GAB4: variants seen among roughly 807,000 people sequenced by gnomAD.
GAB4 encodes GRB2 associated binding protein family member 4.
A neutral mutation model predicts 51.3 loss-of-function variants in GAB4; 26 were observed. That is an observed-to-expected ratio of 0.51 (90% CI 0.37 to 0.70). The LOEUF (loss-of-function observed/expected upper bound fraction) is 0.70. Ranked by LOEUF, GAB4 falls within the 30% of genes least tolerant of loss-of-function variation. The pLI, the probability that GAB4 is intolerant of heterozygous loss-of-function variation, is 0.00. For missense variants in GAB4, 759 were observed against 734.6 expected, an observed-to-expected ratio of 1.03 and a Z score of -0.38; for synonymous variants, 329 against 291.2, an observed-to-expected ratio of 1.13 and a Z score of -1.32.
chr22:17,007,961 CG>C lies in GAB4; in HGVS notation c.153del (p.Glu52ArgfsTer4), dbSNP rs764879401. 4.4e-6 allele frequency: 7 copies of C among 1,603,768 alleles called. No individual in the cohort carries two copies. Among genetic ancestry groups the C allele is most frequent in the Non-Finnish European group, 6.0e-6 (7 of 1,173,166 alleles). ...LYSGWLRKSP[P>X]EKKLRLFAWR... ...CTCACAAAGAGCCTCAGCTTCTTCT[CG>C]GGGGGCGACTTCCTCAGCCAGCCGC... On this transcript the variant is annotated frameshift_variant, in exon 1 of 10. Coordinates refer to ENST00000400588, the MANE Select transcript of GAB4 (RefSeq NM_001037814.1). LOFTEE classifies it high-confidence loss of function.
At chr22:17,002,057 C>T (rs918640677) in intron 1 of GAB4, among the ~76,000 whole-genome samples, 1 of 152,288 alleles carries the variant, frequency 6.6e-6, no homozygotes, top group African/African-American at 2.4e-5. Flanking sequence ...CAGGTACCAT[C>T]TGTTATGGCT....
intron 3 of GAB4, among the ~76,000 whole-genome samples, chr22:16,984,244 CA>C (rs575475234): frequency 1.9e-4 from 29 of 152,142 alleles, no homozygotes; most frequent in African/African-American, 5.5e-4. Context: ...AAATCAAAAC[CA>C]CATGAGATAT....
chr22:17,007,286 T>A (rs1048106485), intron 1 of GAB4, among the ~76,000 whole-genome samples: 2 of 152,168 alleles, frequency 1.3e-5, no homozygotes, highest in Non-Finnish European at 2.9e-5. Context: ...GGGCAACCAA[T>A]CTTCTTTTTT....
Position 16,993,151 on chromosome 22 carries a change from A to G in GAB4, c.175-975T>C, listed in dbSNP as rs184783383. ...TTCTACCTTCCACCTCTTCAACAAG[A>G]CTGAGTGATCCATGAGCAGACACCA... On this transcript the variant is annotated intron_variant, in intron 1 of 9. Transcript: ENST00000400588. Among the ~76,000 whole-genome samples the G allele has an allele frequency of 6.0e-3, 919 of 152,248 alleles. 8 individuals are homozygous for G. Among genetic ancestry groups the G allele is most frequent in the Middle Eastern group, 0.017 (5 of 294 alleles).
chr22:16,991,817 G>T, intron 2 of GAB4, 56 bp downstream of exon 2: 2 of 1,416,328 alleles, frequency 1.4e-6, no homozygotes, highest in Non-Finnish European at 9.8e-7. Context: ...CCTTGCTGGA[G>T]ATTGGAGGGC....
intron 3 of GAB4, among the ~76,000 whole-genome samples, chr22:16,983,369 C>A (rs2060842125): frequency 6.6e-6 from 1 of 152,122 alleles, no homozygotes; most frequent in Admixed American, 6.5e-5. Context: ...CATCTGATCA[C>A]CCCAACACTA....
chr22:17,004,335 A>T (rs1046643928), intron 1 of GAB4, among the ~76,000 whole-genome samples: 2 of 152,218 alleles, frequency 1.3e-5, no homozygotes, highest in Non-Finnish European at 2.9e-5. Flanking sequence ...TTATGAGGCC[A>T]GCATCATCCT....
rs1454019831 is a variant in GAB4, at chr22:16,965,178, C to CCAGACACAG, written c.1378_1379insCTGTGTCTG (p.Ser460delinsThrValSerGly). ...CCTGTTTCCACTGACAGACACTCAC[C>CCAGACACAG]TGGTCCCAGACCAGGGCTCTGTGAC... is the stretch of plus-strand genomic sequence containing the variant. On this transcript the variant is annotated protein_altering_variant and splice_region_variant, in exon 7 of 10. Coordinates refer to ENST00000400588, the MANE Select transcript of GAB4 (RefSeq NM_001037814.1). 1.2e-6 allele frequency: 2 copies of CCAGACACAG among 1,610,702 alleles called. No homozygotes were observed. Among genetic ancestry groups the CCAGACACAG allele is most frequent in the African/African-American group, 2.7e-5 (2 of 74,808 alleles).
chr22:16,983,706 C>G (rs544577911), intron 3 of GAB4, among the ~76,000 whole-genome samples: 1 of 152,288 alleles, frequency 6.6e-6, no homozygotes, highest in African/African-American at 2.4e-5. Flanking sequence ...GGGGAAAGAA[C>G]AGTCTCTTCA....
Position 17,007,911 on chromosome 22 carries a change from TC to T in GAB4, c.174+29del, listed in dbSNP as rs775229352. ...GGAGTCCCCAGACCCTCCGTGGCGC[TC>T]CTGGTACCGCCCCCACTGCCCCACT... On this transcript the variant is annotated intron_variant, in intron 1 of 9. Coordinates refer to ENST00000400588, the MANE Select transcript of GAB4 (RefSeq NM_001037814.1). The T allele has an allele frequency of 1.1e-3, 1,717 of 1,496,586 alleles. 3 individuals carry two copies. Among genetic ancestry groups the T allele is most frequent in the Non-Finnish European group, 1.4e-3 (1,569 of 1,125,804 alleles). The allele number at this position is 1,496,586 out of a possible 1,614,324, so 92.7% of individuals were successfully genotyped here.
In GAB4 at chr22:16,987,955, C is replaced by T. The variant is rs749508245; in HGVS notation, c.686+5G>A. ...CTGCCCCCACTGGCCATAGTAGCCC[C>T]CTACCTTGCATGTTCTGCTCTCTGG... On this transcript the variant is annotated splice_donor_5th_base_variant and intron_variant, in intron 3 of 9. Transcript: ENST00000400588. 3 of 1,591,180 alleles carry T rather than the reference C, an allele frequency of 1.9e-6. No homozygotes were observed. Among genetic ancestry groups the T allele is most frequent in the African/African-American group, 1.3e-5 (1 of 74,742 alleles).
intron 3 of GAB4, among the ~76,000 whole-genome samples, chr22:16,980,812 G>A (rs1601265510): frequency 6.6e-6 from 1 of 152,172 alleles, no homozygotes; most frequent in African/African-American, 2.4e-5. Context: ...ATGCACCGTG[G>A]AATACTATGC....
At chr22:16,996,321 T>C (rs1026252045) in intron 1 of GAB4, among the ~76,000 whole-genome samples, 7 of 151,862 alleles carry the variant, frequency 4.6e-5, no homozygotes, top group Admixed American at 2.6e-4. Flanking sequence ...AAAGGTCAAA[T>C]CTATGTTTGA....
At chr22:17,003,214 C>T (rs1265075723) in intron 1 of GAB4, among the ~76,000 whole-genome samples, 1 of 152,188 alleles carries the variant, frequency 6.6e-6, no homozygotes, top group Non-Finnish European at 1.5e-5. Context: ...GACTTAGACT[C>T]CCACACAGTA....
intron 3 of GAB4, among the ~76,000 whole-genome samples, chr22:16,978,623 T>A (rs183351190): frequency 1.0e-3 from 155 of 152,320 alleles, no homozygotes; most frequent in African/African-American, 3.3e-3. Context: ...GCTGATATCA[T>A]TCCTTCTGAA....
At chr22:16,973,415 C>T (rs2060749639) in intron 3 of GAB4, among the ~76,000 whole-genome samples, 1 of 152,166 alleles carries the variant, frequency 6.6e-6, no homozygotes, top group Non-Finnish European at 1.5e-5. Flanking sequence ...TTGGCCCAAA[C>T]ACTTTGGACC....
intron 9 of GAB4, 79 bp downstream of exon 9, chr22:16,963,646 C>T (rs1410157360): frequency 7.2e-6 from 7 of 974,560 alleles, no homozygotes; most frequent in East Asian, 2.6e-5. Context: ...CCAGTGCTGC[C>T]GGTGCTGAAG....
At chr22:16,967,226 A>G (rs1411687913) in intron 5 of GAB4, 1 of 152,148 alleles carries the variant, frequency 6.6e-6, no homozygotes, top group Non-Finnish European at 1.5e-5. Flanking sequence ...GTGGCTCAGC[A>G]CCCAATGTCC....
chr22:16,965,887 C>T (rs1426155051), intron 6 of GAB4, among the ~76,000 whole-genome samples: 1 of 152,236 alleles, frequency 6.6e-6, no homozygotes, highest in Non-Finnish European at 1.5e-5. Flanking sequence ...TGGACACCTG[C>T]TGTGAGCCAG....
Sources: gnomAD v4.1 joint callset for allele counts (sites outside exome capture counted in the v4.1 genomes callset) on GRCh38, gnomAD v4.1.1 for gene constraint, MANE v1.5 for transcripts, NCBI Gene and HGNC (gene_info 2026-07-23, HGNC 2026-07-21) for gene names.